Variants in TMPRSS9 observed in about 807,000 individuals in gnomAD.
The protein encoded by TMPRSS9 is transmembrane serine protease 9.
Under a neutral mutation model 111.4 loss-of-function variants are expected in TMPRSS9, and 113 were observed. The observed-to-expected ratio is 1.01, with a 90% CI of 0.87 to 1.19. The LOEUF is 1.19. Among genes scored for constraint, TMPRSS9 ranks in the 50% most tolerant of loss-of-function variants. TMPRSS9 has a pLI of 0.00. For missense variants in TMPRSS9, 1,803 were observed against 1,513.1 expected (o/e 1.19, Z -3.18); for synonymous variants, 805 against 659.1 (o/e 1.22, Z -3.39).
chr19:2,405,578 C>G, intron 7 of TMPRSS9, 33 bp downstream of exon 8: 1 of 1,481,886 alleles, frequency 6.7e-7, no homozygotes, highest in Non-Finnish European at 9.0e-7. Context: ...CAAACCCGAA[C>G]CCTCTGTATT....
chr19:2,407,939 A>G (rs1473352014), intron 7 of TMPRSS9, among the ~76,000 whole-genome samples: 1 of 151,790 alleles, frequency 6.6e-6, no homozygotes, highest in Non-Finnish European at 1.5e-5. Context: ...GCCCATCACT[A>G]TGCCCGGCTA....
At chr19:2,391,345 T>G (rs927558925) in intron 1 of TMPRSS9, among the ~76,000 whole-genome samples, 6 of 149,882 alleles carry the variant, frequency 4.0e-5, no homozygotes, top group Non-Finnish European at 5.9e-5. Flanking sequence ...TTCGCGATCC[T>G]ATGAGAATCC....
chr19:2,383,350 T>C (rs1205995653), intron 1 of TMPRSS9, among the ~76,000 whole-genome samples: 1 of 143,102 alleles, frequency 7.0e-6, no homozygotes, highest in African/African-American at 2.6e-5. Context: ...CTAGATTCCG[T>C]CAAAAAAAAA....
intron 11 of TMPRSS9, 29 bp downstream of exon 12, chr19:2,415,870 C>A (rs1204738983): frequency 1.3e-6 from 2 of 1,542,940 alleles, no homozygotes; most frequent in African/African-American, 2.7e-5. Flanking sequence ...AGGAAGGCTG[C>A]CCGGCTTCCC....
rs142687065 is a variant in TMPRSS9 at position 2,400,349 on chromosome 19, C to G, written c.514+1156C>G. On this transcript the variant is annotated intron_variant, in intron 4 of 17. Coordinates refer to ENST00000648592, the Ensembl canonical transcript of TMPRSS9. The stretch of plus-strand genomic sequence containing the variant: ...TTCAGATCAGGAGTTCGAGACCAGC[C>G]TGGCCAACATGGCGAAACCCCGTCT... 2.1e-3 allele frequency among the ~76,000 whole-genome samples: 313 copies of G among 152,086 alleles called. 1 individual carries two copies. Among genetic ancestry groups the G allele is most frequent in the Admixed American group, 3.8e-3 (58 of 15,238 alleles).
At chr19:2,378,793 G>A (rs1028675894) in intron 1 of TMPRSS9, among the ~76,000 whole-genome samples, 2 of 152,254 alleles carry the variant, frequency 1.3e-5, no homozygotes, top group Admixed American at 6.6e-5. Flanking sequence ...CAGCATGGCT[G>A]GGGAGGCCTC....
chr19:2,395,355 C>T (rs1169852994), intron 1 of TMPRSS9, among the ~76,000 whole-genome samples: 2 of 152,134 alleles, frequency 1.3e-5, no homozygotes, highest in African/African-American at 4.8e-5. Context: ...ATCGCTTGAA[C>T]CCGGGAGATG....
chr19:2,403,007 A>G, intron 5 of TMPRSS9, 75 bp from the exon 7 acceptor site: 1 of 1,004,136 alleles, frequency 1.0e-6, no homozygotes, highest in Non-Finnish European at 1.6e-6. Flanking sequence ...TGGTGGTACT[A>G]AGTATAGCAT....
At chr19:2,410,231 C>A (rs1470231306) in intron 8 of TMPRSS9, 27 bp from the exon 10 acceptor site, 1 of 1,612,204 alleles carries the variant, frequency 6.2e-7, no homozygotes. Context: ...GCACTCTCAC[C>A]CTGCTTTTCT....
rs1323463199 is a variant in TMPRSS9, at chr19:2,406,031, G to T, written c.842+486G>T. Among the ~76,000 whole-genome samples the T allele has an allele frequency of 4.0e-5, 5 of 125,900 alleles. No homozygotes were observed. In the Admixed American group the frequency reaches 4.3e-4, roughly 11 times the overall value. 82.6% of individuals were successfully genotyped at this position (125,900 alleles called of 152,430 possible). On this transcript the variant is annotated intron_variant, in intron 7 of 17. Coordinates refer to ENST00000648592, the Ensembl canonical transcript of TMPRSS9. ...CTTTCTTTCTTTTTTTTTTTTTTGA[G>T]ATGGAGTCTCGCTCTGTCACCCAGG...
At chr19:2,409,922 C>A (rs3893882) in intron 8 of TMPRSS9, among the ~76,000 whole-genome samples, 12 of 151,772 alleles carry the variant, frequency 7.9e-5, no homozygotes, top group Admixed American at 7.9e-4. Flanking sequence ...GGGGGCTGAC[C>A]TGAGGCCAAC....
intron 1 of TMPRSS9, among the ~76,000 whole-genome samples, chr19:2,392,640 A>G (rs535146312): frequency 6.6e-6 from 1 of 152,328 alleles, no homozygotes; most frequent in Admixed American, 6.5e-5. Flanking sequence ...GGAGGATTGT[A>G]TATGCACCAG....
At chr19:2,365,702 G>A (rs1485753328) in intron 1 of TMPRSS9, among the ~76,000 whole-genome samples, 2 of 152,148 alleles carry the variant, frequency 1.3e-5, no homozygotes, top group African/African-American at 4.8e-5. Context: ...TGATGGTGCA[G>A]GCTTGTAGTC....
intron 1 of TMPRSS9, among the ~76,000 whole-genome samples, chr19:2,368,773 A>AGTTTTTTTTTTTT (rs1970265900): frequency 3.3e-5 from 2 of 60,228 alleles, no homozygotes; most frequent in African/African-American, 1.5e-4. Flanking sequence ...GGATAAACCC[A>AGTTTTTTTTTTTT]GTTTTTTTTT....
rs547864772 is a variant in TMPRSS9, at chr19:2,384,029, C to T, written c.-25-5732C>T. Among the ~76,000 whole-genome samples, 143 of 152,254 alleles carry T rather than the reference C, an allele frequency of 9.4e-4. 1 individual carries two copies. The highest frequency in any genetic ancestry group is 9.4e-3 in the Admixed American group (143 of 15,248). ...TATCTGCCCACCGAGGCCTGGTTTT[C>T]ATCCCCACGGGTGTCCAGAGCAACT... On this transcript the variant is annotated intron_variant, in intron 1 of 17. Transcript: ENST00000649857.
At chr19:2,389,798 G>T in exon 1 of TMPRSS9, 3 of 1,613,234 alleles carry the variant, frequency 1.9e-6, no homozygotes, top group African/African-American at 2.7e-5. Flanking sequence ...GGAGCCCACT[G>T]TGGCTGACGT....
At chr19:2,417,810 T>C (rs1971285535) in intron 12 of TMPRSS9, among the ~76,000 whole-genome samples, 192 bp from the exon 14 acceptor site, 1 of 152,172 alleles carries the variant, frequency 6.6e-6, no homozygotes, top group Admixed American at 6.6e-5. Flanking sequence ...GGGAGACTCT[T>C]GCGCTCTGAG....
At chr19:2,374,614 A>G (rs1970316387) in intron 1 of TMPRSS9, among the ~76,000 whole-genome samples, 1 of 152,014 alleles carries the variant, frequency 6.6e-6, no homozygotes, top group Non-Finnish European at 1.5e-5. Flanking sequence ...CCTCAAAAAC[A>G]GGGTCTTTGT....
chr19:2,424,868 C>A, intron 15 of TMPRSS9, 134 bp from the exon 17 acceptor site: 2 of 1,179,720 alleles, frequency 1.7e-6, no homozygotes, highest in East Asian at 3.3e-5. Context: ...TGAGCCCATT[C>A]CCAGACCGAC....
Sources: allele counts gnomAD v4.1 joint callset (sites outside exome capture counted in the v4.1 genomes callset), GRCh38; gene constraint gnomAD v4.1.1; transcripts MANE v1.5; gene names NCBI Gene and HGNC (gene_info 2026-07-23, HGNC 2026-07-21).